Variants in CNTNAP4 observed in about 807,000 individuals in gnomAD.
The protein encoded by CNTNAP4 is contactin associated protein family member 4, also known as contactin-associated protein-like 4.
CNTNAP4 carries 98 observed loss-of-function variants against 148.4 expected under a neutral mutation model. The ratio of observed to expected loss-of-function variants is 0.66; its 90% confidence interval spans 0.56 to 0.78. The LOEUF is 0.78. Ranked by LOEUF, CNTNAP4 falls within the 30% of genes least tolerant of loss-of-function variation. The probability of loss-of-function intolerance (pLI) is 0.00; values close to 1 mark genes in which losing one functional copy is unlikely to be tolerated. For synonymous variants in CNTNAP4, 730 were observed against 565.1 expected (o/e 1.29, Z -4.14); for missense variants, 1,935 against 1,565.6 (o/e 1.24, Z -3.98).
At position 76,434,074 on chromosome 16, in the gene CNTNAP4, A is replaced by T. The variant is rs1403685258; in HGVS notation, c.538+6475A>T. On this transcript the variant is annotated intron_variant, in intron 4 of 23. Transcript: ENST00000611870. ...CACACACATATATAGAAATTTATAT[A>T]TACAAAGGGATATATATCTAATAAG... 3.3e-5 allele frequency among the ~76,000 whole-genome samples: 5 copies of T among 149,836 alleles called. No individual in the cohort carries two copies. The South Asian group carries it at 1.0e-3, about 31-fold the overall frequency.
In CNTNAP4 at chr16:76,326,659, A is replaced by G. The variant is rs372667318; in HGVS notation, c.196+10136A>G. 6.8e-4 allele frequency among the ~76,000 whole-genome samples: 103 copies of G among 152,142 alleles called. 1 individual carries two copies. In the East Asian group the frequency reaches 0.014, roughly 21 times the overall value. On this transcript the variant is annotated intron_variant, in intron 2 of 23. Transcript: ENST00000611870. ...TCATGTCCTTTGTAGGGACATGGAT[A>G]AAGCTGGAAACCATCATTCTCAGCA...
At chr16:76,522,591 T>C (rs2083498467) in intron 17 of CNTNAP4, among the ~76,000 whole-genome samples, 1 of 151,598 alleles carries the variant, frequency 6.6e-6, no homozygotes, top group South Asian at 2.1e-4. Flanking sequence ...TCTTTCTCTC[T>C]CTCTCTTTCT....
chr16:76,425,518 A>G (rs1322943647), intron 3 of CNTNAP4, among the ~76,000 whole-genome samples: 2 of 152,206 alleles, frequency 1.3e-5, no homozygotes, highest in Non-Finnish European at 2.9e-5. Flanking sequence ...ATAAACAGGC[A>G]GATAATGATC....
chr16:76,400,945 G>C (rs2078391644), intron 3 of CNTNAP4, among the ~76,000 whole-genome samples: 1 of 152,160 alleles, frequency 6.6e-6, no homozygotes, highest in Non-Finnish European at 1.5e-5. Flanking sequence ...CTGTAGCACT[G>C]TAGTACAGTT....
intron 15 of CNTNAP4, among the ~76,000 whole-genome samples, chr16:76,506,646 T>G (rs1161835633): frequency 1.1e-5 from 1 of 93,174 alleles, no homozygotes; most frequent in African/African-American, 2.6e-5. Flanking sequence ...AATTTTTGTG[T>G]TTTTAGTAGA....
intron 3 of CNTNAP4, among the ~76,000 whole-genome samples, chr16:76,378,332 C>T (rs975314065): frequency 1.1e-4 from 17 of 151,956 alleles, no homozygotes; most frequent in East Asian, 1.9e-4. Context: ...GAAAAAAGAT[C>T]GTTGGAAGAA....
chr16:76,500,443 G>T (rs570998309), intron 15 of CNTNAP4, among the ~76,000 whole-genome samples: 1 of 152,314 alleles, frequency 6.6e-6, no homozygotes, highest in Non-Finnish European at 1.5e-5. Context: ...CAGCATTCCT[G>T]AATTTCTAAT....
chr16:76,380,421 C>T (rs1215106150), intron 3 of CNTNAP4, among the ~76,000 whole-genome samples: 1 of 152,182 alleles, frequency 6.6e-6, no homozygotes, highest in Non-Finnish European at 1.5e-5. Flanking sequence ...GTTCCCAATG[C>T]TTTCCTTCAG....
At chr16:76,312,418 T>A (rs926576275) in intron 1 of CNTNAP4, among the ~76,000 whole-genome samples, 6 of 152,218 alleles carry the variant, frequency 3.9e-5, no homozygotes, top group African/African-American at 1.4e-4. Flanking sequence ...CAGAGAAAAC[T>A]GGTTTTCTGG....
chr16:76,345,951 A>G (rs1216868149), intron 2 of CNTNAP4, among the ~76,000 whole-genome samples: 1 of 152,204 alleles, frequency 6.6e-6, no homozygotes, highest in Non-Finnish European at 1.5e-5. Flanking sequence ...CTGTGAAACA[A>G]AAATTATTAC....
chr16:76,291,196 T>C (rs548527291), intron 1 of CNTNAP4, among the ~76,000 whole-genome samples: 1 of 152,290 alleles, frequency 6.6e-6, no homozygotes, highest in South Asian at 2.1e-4. Flanking sequence ...TAAATTACAT[T>C]GCTTTTTTTC....
At chr16:76,477,969 C>G (rs1043979196) in intron 11 of CNTNAP4, among the ~76,000 whole-genome samples, 3 of 152,156 alleles carry the variant, frequency 2.0e-5, no homozygotes, top group African/African-American at 7.2e-5. Context: ...CTTGAAAAGA[C>G]AGCTGTAATA....
chr16:76,498,863 TAGAC>T (rs2082512675), intron 15 of CNTNAP4, among the ~76,000 whole-genome samples, 169 bp downstream of exon 15: 1 of 152,084 alleles, frequency 6.6e-6, no homozygotes, highest in Non-Finnish European at 1.5e-5. Flanking sequence ...GTCAAATTCA[TAGAC>T]AGAAAGTAGA....
chr16:76,488,813 T>A (rs535575643), intron 12 of CNTNAP4, among the ~76,000 whole-genome samples: 3 of 152,348 alleles, frequency 2.0e-5, no homozygotes, highest in African/African-American at 7.2e-5. Context: ...AGATATCACA[T>A]GCCTATCATC....
intron 4 of CNTNAP4, among the ~76,000 whole-genome samples, chr16:76,445,986 G>A (rs992307955): frequency 6.6e-6 from 1 of 152,130 alleles, no homozygotes; most frequent in African/African-American, 2.4e-5. Context: ...GCTATGTAAC[G>A]AGGAAGGATT....
intron 4 of CNTNAP4, among the ~76,000 whole-genome samples, chr16:76,432,874 C>G (rs1260851523): frequency 6.6e-6 from 1 of 152,136 alleles, no homozygotes; most frequent in Admixed American, 6.5e-5. Context: ...TAATTTGTTT[C>G]TTTGGCTAGC....
chr16:76,311,806 C>T (rs1597152473), intron 1 of CNTNAP4, among the ~76,000 whole-genome samples: 1 of 152,260 alleles, frequency 6.6e-6, no homozygotes, highest in Non-Finnish European at 1.5e-5. Context: ...ATGCAGACGT[C>T]CATGGTCTCC....
At chr16:76,320,310 G>C (rs1962271948) in intron 2 of CNTNAP4, among the ~76,000 whole-genome samples, 1 of 152,136 alleles carries the variant, frequency 6.6e-6, no homozygotes, top group African/African-American at 2.4e-5. Context: ...GTATACCTTT[G>C]TTTCTCCTTG....
chr16:76,503,995 G>T (rs1023836752), intron 15 of CNTNAP4, among the ~76,000 whole-genome samples: 1 of 151,868 alleles, frequency 6.6e-6, no homozygotes, highest in Non-Finnish European at 1.5e-5. Flanking sequence ...TAAAAGATTT[G>T]ATAAGATGTC....
Sources: gnomAD v4.1 joint callset for allele counts (sites outside exome capture counted in the v4.1 genomes callset) on GRCh38, gnomAD v4.1.1 for gene constraint, MANE v1.5 for transcripts, NCBI Gene and HGNC (gene_info 2026-07-23, HGNC 2026-07-21) for gene names.